KIF7: variants seen among roughly 807,000 people sequenced by gnomAD.
The protein encoded by KIF7 is kinesin-like protein KIF7.
Under a neutral mutation model 135.7 loss-of-function variants are expected in KIF7, and 104 were observed. The observed-to-expected ratio is 0.77, with a 90% CI of 0.65 to 0.90. KIF7 has a LOEUF of 0.90. Among genes scored for constraint, KIF7 ranks in the 40% least tolerant of loss-of-function variants. The pLI, the probability that KIF7 is intolerant of heterozygous loss-of-function variation, is 0.00. For synonymous variants in KIF7, 883 were observed against 809.4 expected (o/e 1.09, Z -1.54); for missense variants, 2,005 against 1,839.1 (o/e 1.09, Z -1.65).
Position 89,649,076 on chromosome 15 carries a change from T to G in KIF7, c.821A>C (p.Gln274Pro). 1 of 1,548,184 alleles carries G rather than the reference T, an allele frequency of 6.5e-7. No homozygotes were observed. The highest frequency in any genetic ancestry group is 8.7e-7 in the Non-Finnish European group (1 of 1,146,768). ...STGERLKESI[Q>P]INSSLLALGN... ...CAGCGCCAGGAGGCTGCTGTTGATC[T>G]GGATGCTCTCCTTGAGCCGCTCGCC... The change falls in exon 4 of 19, where the codon CAG (glutamine) becomes CCG (proline). Residue 274 changes from glutamine (Q) to proline (P), a missense_variant. By Grantham distance (76) the Gln-to-Pro change is moderately conservative. Transcript: ENST00000394412.
chr15:89,623,580 A>G (rs2141983742), downstream of KIF7: 1 of 1,546,926 alleles, frequency 6.5e-7, no homozygotes, highest in East Asian at 2.3e-5. Flanking sequence ...AGAGATCATG[A>G]GTTATAATAT....
chr15:89,633,973 A>T, intron 11 of KIF7, 90 bp from the exon 12 acceptor site: 1 of 1,386,120 alleles, frequency 7.2e-7, no homozygotes, highest in Non-Finnish European at 1.0e-6. Flanking sequence ...AGGCAGATAG[A>T]GGGCAAATGG....
chr15:89,619,633 C>T, intron 1 of KIF7: 1 of 1,516,100 alleles, frequency 6.6e-7, no homozygotes, highest in Non-Finnish European at 8.9e-7. Context: ...TAAATTTTGC[C>T]CGGTTTTGGA....
At chr15:89,622,574 G>C (rs1489883694) in intron 1 of KIF7, among the ~76,000 whole-genome samples, 3 of 152,108 alleles carry the variant, frequency 2.0e-5, no homozygotes, top group Non-Finnish European at 4.4e-5. Context: ...AAATTGCTTG[G>C]AGGTTGGGAA....
chr15:89,628,903 G>T, intron 18 of KIF7, 73 bp downstream of exon 18: 1 of 1,611,652 alleles, frequency 6.2e-7, no homozygotes, highest in Non-Finnish European at 8.5e-7. Context: ...ATAAAGGCTC[G>T]AGGGAGAGTG....
At position 89,619,221 on chromosome 15, in the gene KIF7, C is replaced by CTTTTTTTT. The variant is rs386383750; in HGVS notation, c.181-1034_181-1027dup. Among the ~76,000 whole-genome samples, 118 of 111,952 alleles carry CTTTTTTTT rather than the reference C, an allele frequency of 1.1e-3. 4 individuals carry two copies. Among genetic ancestry groups the CTTTTTTTT allele is most frequent in the African/African-American group, 1.2e-3 (33 of 28,476 alleles). The allele number at this position is 111,952 out of a possible 152,430, so 73.4% of individuals were successfully genotyped here. A position where few individuals can be genotyped will look rare whatever the true frequency, so the allele number is the denominator to read the frequency against. On this transcript the variant is annotated intron_variant and NMD_transcript_variant, in intron 1 of 2. Coordinates refer to the KIF7 transcript ENST00000558928. ...CTTGTTTTCGCCCTACACCATTCTT[C>CTTTTTTTT]TTTTTTTTTTTTTTTTTTTGGTGAG...
At chr15:89,639,287 A>T (rs1963872445) in intron 11 of KIF7, among the ~76,000 whole-genome samples, 1 of 152,082 alleles carries the variant, frequency 6.6e-6, no homozygotes, top group Non-Finnish European at 1.5e-5. Flanking sequence ...CAAAATCGAC[A>T]AATGGGATCT....
upstream of KIF7, among the ~76,000 whole-genome samples, chr15:89,657,331 A>G (rs952810095): frequency 1.5e-4 from 22 of 142,840 alleles, no homozygotes; most frequent in African/African-American, 5.6e-4. Flanking sequence ...AAAAAAAAAG[A>G]GAGAGAGACA....
chr15:89,627,207 A>G (rs1176312476), downstream of KIF7: 1 of 1,261,672 alleles, frequency 7.9e-7, no homozygotes, highest in Non-Finnish European at 1.1e-6. Flanking sequence ...TGCCATTAGA[A>G]TGCCTTAGGG....
chr15:89,645,832 C>A lies in KIF7; in HGVS notation c.1922+61G>T, dbSNP rs1193864059. ...GGAGAGGAGACGGTGCGATCCCCAG[C>A]CTGCCTAGCCCTGGGCCCTGAGCAG... On this transcript the variant is annotated intron_variant, in intron 8 of 18. Transcript: ENST00000394412. 6.0e-5 allele frequency: 95 copies of A among 1,585,870 alleles called. 1 individual carries two copies. The highest frequency in any genetic ancestry group is 7.2e-5 in the Non-Finnish European group (84 of 1,167,050).
At position 89,634,599 on chromosome 15, in the gene KIF7, A is replaced by T. The variant is rs2350481; in HGVS notation, c.2395-716T>A. 6.2e-4 allele frequency among the ~76,000 whole-genome samples: 95 copies of T among 152,218 alleles called. 1 individual carries two copies. Among genetic ancestry groups the T allele is most frequent in the African/African-American group, 1.9e-3 (77 of 41,516 alleles). On this transcript the variant is annotated intron_variant, in intron 11 of 18. Transcript: ENST00000394412. ...CCTGGAAAATCGGGTCACTCCCACC[A>T]GAATACTGCGCTTTTCCGATGGGCT...
In KIF7 at chr15:89,654,784, C is replaced by G. The variant is rs1172303109; in HGVS notation, c.-25+615G>C. 2.0e-5 allele frequency among the ~76,000 whole-genome samples: 3 copies of G among 152,366 alleles called. No individual in the cohort carries two copies. In the South Asian group the frequency reaches 6.2e-4, roughly 32 times the overall value. On this transcript the variant is annotated intron_variant, in intron 1 of 18. Coordinates refer to ENST00000394412, the MANE Select transcript of KIF7 (RefSeq NM_198525.3). The stretch of plus-strand genomic sequence containing the variant: ...CCGCGTTCCTCACCCCCACCGCCAG[C>G]CCGGCACTTCATTCTTTACCCTTCA...
Position 89,628,186 on chromosome 15 carries a change from T to G in KIF7, c.*233A>C. Reference sequence around the variant, plus strand: ...ATTCGAGCAAGACACAAGGCGGCAATTGGGTACCACAGCTTCATGGAAGTA... The same window carrying G: ...ATTCGAGCAAGACACAAGGCGGCAAGTGGGTACCACAGCTTCATGGAAGTA... On this transcript the variant is annotated 3_prime_UTR_variant, in exon 19 of 19. Coordinates refer to ENST00000394412, the MANE Select transcript of KIF7 (RefSeq NM_198525.3). 17 of 473,624 alleles carry G rather than the reference T, an allele frequency of 3.6e-5. No individual in the cohort carries two copies. Among genetic ancestry groups the G allele is most frequent in the Non-Finnish European group, 4.4e-5 (12 of 271,076 alleles). The allele number at this position is 473,624 out of a possible 1,614,324, so 29.3% of individuals were successfully genotyped here.
Position 89,649,187 on chromosome 15 carries a change from C to T in KIF7, c.710G>A (p.Arg237His), listed in dbSNP as rs529571444. ...GACGAGCAGCTGGCCCGGGGCGGGG[C>T]GGGGTAGGCGGCTGGGGGCGCGCCC... ...QRGRAPSRLP[R>H]PAPGQLLVSK... The change falls in exon 4 of 19, where the codon CGC (arginine) becomes CAC (histidine). Residue 237 changes from arginine to histidine, a missense_variant. Arg to His is a conservative substitution (Grantham distance 29, BLOSUM62 0). Transcript: ENST00000394412. The T allele has an allele frequency of 9.1e-6, 14 of 1,546,276 alleles. No homozygotes were observed. In the Admixed American group the frequency reaches 1.2e-4, roughly 13 times the overall value.
At chr15:89,643,752 G>A (rs1332976237) in intron 10 of KIF7, among the ~76,000 whole-genome samples, 1 of 152,116 alleles carries the variant, frequency 6.6e-6, no homozygotes, top group Non-Finnish European at 1.5e-5. Context: ...GGTTGTGTTG[G>A]CACACGCCTG....
At chr15:89,662,219 A>G in the KIF7 span, among the ~76,000 whole-genome samples, 1 of 151,974 alleles carries the variant, frequency 6.6e-6, no homozygotes, top group African/African-American at 2.4e-5. Context: ...GAGGAAGGCC[A>G]GGCATGGTGG....
intron 1 of KIF7, among the ~76,000 whole-genome samples, chr15:89,653,532 C>G (rs1005373486): frequency 6.6e-6 from 1 of 152,160 alleles, no homozygotes; most frequent in Non-Finnish European, 1.5e-5. Flanking sequence ...GCAGCCTTCC[C>G]CCTGGCATCA....
At chr15:89,627,335 G>A (rs1963551240), downstream of KIF7, 1 of 449,488 alleles carries the variant, frequency 2.2e-6, no homozygotes, top group Non-Finnish European at 3.9e-6. Flanking sequence ...CAGCCTGGGA[G>A]TCAGGAACCC....
At chr15:89,627,650 T>C, downstream of KIF7, 1 of 153,754 alleles carries the variant, frequency 6.5e-6, no homozygotes, top group Non-Finnish European at 1.4e-5. Context: ...ACTGTGACCA[T>C]GGTCCAGCTT....
Sources: allele counts gnomAD v4.1 joint callset (sites outside exome capture counted in the v4.1 genomes callset), GRCh38; gene constraint gnomAD v4.1.1; transcripts MANE v1.5; gene names NCBI Gene and HGNC (gene_info 2026-07-23, HGNC 2026-07-21).